The following LYST variants were observed in gnomAD, a reference collection of about 807,000 sequenced individuals.
The protein encoded by LYST is lysosomal trafficking regulator.
LYST carries 192 observed loss-of-function variants against 413.6 expected under a neutral mutation model. That is an observed-to-expected ratio of 0.46 (90% CI 0.41 to 0.52). The LOEUF (loss-of-function observed/expected upper bound fraction) is 0.52. LYST is among the 20% of genes least tolerant of loss of function. The probability of loss-of-function intolerance (pLI) is 0.00; values close to 1 mark genes in which losing one functional copy is unlikely to be tolerated. For synonymous variants in LYST, 1,525 were observed against 1,567.3 expected, an observed-to-expected ratio of 0.97 and a Z score of 0.64; for missense variants, 3,815 against 4,499.9, an observed-to-expected ratio of 0.85 and a Z score of 4.35.
chr1:235,739,420 T>C (rs977243320), intron 31 of LYST, among the ~76,000 whole-genome samples: 1 of 152,212 alleles, frequency 6.6e-6, no homozygotes, highest in Non-Finnish European at 1.5e-5. Context: ...ATCAGTCACA[T>C]CCTGGATCCA....
intron 4 of LYST, among the ~76,000 whole-genome samples, chr1:235,811,700 T>TA (rs1383160763): frequency 2.6e-5 from 4 of 151,946 alleles, no homozygotes; most frequent in East Asian, 3.8e-4. Context: ...AATCTGTAAA[T>TA]AAAAAAATCT....
chr1:235,858,022 T>G (rs917276978), intron 1 of LYST, among the ~76,000 whole-genome samples: 2 of 152,184 alleles, frequency 1.3e-5, no homozygotes, highest in African/African-American at 4.8e-5. Context: ...TACTGAGAAT[T>G]TTGTCGTATG....
At chr1:235,870,943 G>A (rs1039426472), upstream of LYST, among the ~76,000 whole-genome samples, 8 of 152,244 alleles carry the variant, frequency 5.3e-5, no homozygotes, top group African/African-American at 1.7e-4. Context: ...TGAAGTGGTA[G>A]AGGAATACAA....
chr1:235,781,104 A>T, intron 15 of LYST, 49 bp from the exon 16 acceptor site: 1 of 1,158,246 alleles, frequency 8.6e-7, no homozygotes, highest in South Asian at 1.3e-5. Flanking sequence ...CCTAACCAGA[A>T]TTTTTCATAA....
chr1:235,806,011 G>T lies in LYST; in HGVS notation c.3125C>A (p.Ala1042Asp). The change falls in exon 6 of 53, where the codon GCT (alanine) becomes GAT (aspartate). Residue 1042 changes from alanine to aspartate, a missense_variant. By Grantham distance (126) the Ala-to-Asp change is moderately radical. Transcript: ENST00000389793. Reference protein sequence around the residue: ...RTMKEDLLSLAIKSDPIPSEL... With the variant: ...RTMKEDLLSLDIKSDPIPSEL... ...TGATGGTATGGGGTCACTTTTTATA[G>T]CCAAAGATAATAAATCTTCCTTCAT... The T allele has an allele frequency of 1.2e-6, 2 of 1,613,808 alleles. No homozygotes were observed. Among genetic ancestry groups the T allele is most frequent in the South Asian group, 2.2e-5 (2 of 91,078 alleles).
chr1:235,744,050 G>C lies in LYST; in HGVS notation c.8080C>G (p.Gln2694Glu), dbSNP rs1665672573. ...TGAAATGGATTGAAAACAGAAGACTGTTCATGATGAATATTTTCCTCAGAA... is the reference window on the plus strand; with the variant it reads ...TGAAATGGATTGAAAACAGAAGACTCTTCATGATGAATATTTTCCTCAGAA... ...EISEENIHHE[Q>E]SSVFNPFQKE... The change falls in exon 30 of 53, where the codon CAG becomes GAG. Residue 2694 changes from glutamine (Q) to glutamate (E), a missense_variant. Around this residue, in one of 4 missense-constraint regions of LYST, gnomAD observed 771 missense variants for 837.1 expected, o/e 0.92. Transcript: ENST00000389793. 2.5e-6 allele frequency: 4 copies of C among 1,581,274 alleles called. No individual in the cohort carries two copies. In the African/African-American group the frequency reaches 5.4e-5, roughly 21 times the overall value.
rs1659226298 is a variant in LYST at position 235,674,634 on chromosome 1, G to T, written c.11038+2457C>A. ...TAACTATACTAGGGATGCCATTAAA[G>T]GAATAGCTGAACAATTAGGTCCTAC... On this transcript the variant is annotated intron_variant, in intron 50 of 52. Transcript: ENST00000389793. The surrounding 1 kb of genome is among the most constrained non-coding windows in gnomAD (Gnocchi z 4.1). Among the ~76,000 whole-genome samples, 1 of 152,170 alleles carries T rather than the reference G, an allele frequency of 6.6e-6. No individual in the cohort carries two copies. The highest frequency in any genetic ancestry group is 1.5e-5 in the Non-Finnish European group (1 of 68,030).
chr1:235,871,538 T>C (rs957142883), upstream of LYST, among the ~76,000 whole-genome samples: 3 of 152,240 alleles, frequency 2.0e-5, no homozygotes, highest in African/African-American at 7.2e-5. Context: ...ATATACTCAT[T>C]AATTCTTGCT....
intron 1 of LYST, among the ~76,000 whole-genome samples, chr1:235,842,777 T>C (rs990236060): frequency 6.6e-6 from 1 of 152,224 alleles, no homozygotes; most frequent in Non-Finnish European, 1.5e-5. Flanking sequence ...CTGCTTTCAT[T>C]GAATGAGACT....
At chr1:235,712,486 C>T (rs927114765) in intron 42 of LYST, 19 of 558,620 alleles carry the variant, frequency 3.4e-5, no homozygotes, top group Admixed American at 5.7e-5. Context: ...AATGAAAGTT[C>T]CACAAAAACA....
chr1:235,662,218 AT>A lies in LYST; in HGVS notation c.*721del, dbSNP rs1196684993. 1 of 152,892 alleles carries A rather than the reference AT, an allele frequency of 6.5e-6. No homozygotes were observed. The highest frequency in any genetic ancestry group is 1.5e-5 in the Non-Finnish European group (1 of 68,586). The allele number at this position is 152,892 out of a possible 1,614,324, so 9.5% of individuals were successfully genotyped here. On this transcript the variant is annotated 3_prime_UTR_variant, in exon 53 of 53. Transcript: ENST00000389793. Reference sequence around the variant, plus strand: ...GGATAGTCAATATCTAGCGTTACAGATTTTAAGTAAAATTTTTATGAAGAAA... The same window carrying A: ...GGATAGTCAATATCTAGCGTTACAGATTTAAGTAAAATTTTTATGAAGAAA...
intron 1 of LYST, among the ~76,000 whole-genome samples, chr1:235,855,717 A>G (rs1161160428): frequency 2.1e-5 from 3 of 145,824 alleles, no homozygotes; most frequent in African/African-American, 8.5e-5. Context: ...ATTCTGCAAA[A>G]TAAGTTTTAG....
intron 3 of LYST, among the ~76,000 whole-genome samples, chr1:235,821,721 C>A (rs917020619): frequency 1.3e-5 from 2 of 152,174 alleles, no homozygotes; most frequent in African/African-American, 4.8e-5. Context: ...TTTAACAACC[C>A]TTTAAAAATG....
intron 1 of LYST, among the ~76,000 whole-genome samples, chr1:235,882,049 C>T (rs991660063): frequency 6.7e-6 from 1 of 149,096 alleles, no homozygotes; most frequent in East Asian, 2.0e-4. Context: ...AACACACACA[C>T]TCACACATAC....
intron 16 of LYST, among the ~76,000 whole-genome samples, chr1:235,778,237 T>C (rs1029865880): frequency 3.3e-5 from 5 of 151,278 alleles, no homozygotes; most frequent in Non-Finnish European, 7.4e-5. Flanking sequence ...TGAATCTTGG[T>C]GTCTGGCCCA....
At position 235,808,812 on chromosome 1, in the gene LYST, C is replaced by T; in HGVS notation, c.2006G>A (p.Ser669Asn). ...GATCCCTTGAAATCTGTAAGAAGGA[C>T]TGGATAAACTTGAGGAGAGTTCAGC... is the stretch of plus-strand genomic sequence containing the variant. ...CDAELSSSLS[S>N]PSYRFQGILP... Residue 669 changes from serine to asparagine, a missense_variant, in exon 5 of 53, where the codon AGT becomes AAT. By Grantham distance (46) the Ser-to-Asn change is conservative (BLOSUM62 1). Around this residue, in one of 4 missense-constraint regions of LYST, gnomAD observed 1,648 missense variants for 1,810.3 expected, o/e 0.91. Transcript: ENST00000389793. 5 of 1,614,068 alleles carry T rather than the reference C, an allele frequency of 3.1e-6. No individual in the cohort carries two copies. In the South Asian group the frequency reaches 4.4e-5, roughly 14 times the overall value.
chr1:235,719,734 C>G (rs988709138), intron 40 of LYST, among the ~76,000 whole-genome samples: 2 of 151,938 alleles, frequency 1.3e-5, no homozygotes, highest in Non-Finnish European at 2.9e-5. Context: ...TTTCCAGTCT[C>G]TAGGAAATAC....
chr1:235,806,810 A>T, intron 5 of LYST, 38 bp from the exon 6 acceptor site: 1 of 1,336,232 alleles, frequency 7.5e-7, no homozygotes, highest in Non-Finnish European at 1.1e-6. Flanking sequence ...GGTTTAAATA[A>T]AGAAACATCA....
In LYST at chr1:235,810,527, G is replaced by A; in HGVS notation, c.291C>T (p.Asn97=). The part of the protein sequence containing the change: ...PVQEEKATDF[N]LPLSADIILT... ...GGATTATATCTGCTGAGAGCGGTAGGTTAAAATCTAATGGAATGAAAAAAG... is the reference window on the plus strand; with the variant it reads ...GGATTATATCTGCTGAGAGCGGTAGATTAAAATCTAATGGAATGAAAAAAG... Residue 97 remains asparagine, a synonymous_variant, in exon 5 of 53, where the codon AAC becomes AAT. Transcript: ENST00000389793. 1 of 1,610,934 alleles carries A rather than the reference G, an allele frequency of 6.2e-7. No individual in the cohort carries two copies. Among genetic ancestry groups the A allele is most frequent in the Non-Finnish European group, 8.5e-7 (1 of 1,179,678 alleles).
Sources: allele counts gnomAD v4.1 joint callset (sites outside exome capture counted in the v4.1 genomes callset), GRCh38; gene constraint gnomAD v4.1.1; regional missense constraint gnomAD v4.1.1; non-coding constraint Gnocchi (gnomAD v3.1); transcripts MANE v1.5; gene names NCBI Gene and HGNC (gene_info 2026-07-23, HGNC 2026-07-21).